ADAM12: variants seen among roughly 807,000 people sequenced by gnomAD.
ADAM12 encodes disintegrin and metalloproteinase domain-containing protein 12.
ADAM12 carries 70 observed loss-of-function variants against 106.4 expected under a neutral mutation model. The observed-to-expected ratio is 0.66, with a 90% CI of 0.54 to 0.80. The LOEUF is 0.80. Ranked by LOEUF, ADAM12 falls within the 30% of genes least tolerant of loss-of-function variation. The pLI is 0.00. For missense variants in ADAM12, 1,010 were observed against 1,171.9 expected (o/e 0.86, Z 2.02); for synonymous variants, 420 against 433.5 (o/e 0.97, Z 0.39).
At chr10:126,068,698 A>G (rs1030755637) in intron 12 of ADAM12, among the ~76,000 whole-genome samples, 3 of 152,208 alleles carry the variant, frequency 2.0e-5, no homozygotes, top group African/African-American at 7.2e-5. Context: ...CTGCAGTACC[A>G]TATTTCTCAG....
intron 1 of ADAM12, among the ~76,000 whole-genome samples, chr10:126,331,129 T>C (rs1854496876): frequency 6.6e-6 from 1 of 152,242 alleles, no homozygotes; most frequent in Non-Finnish European, 1.5e-5. Context: ...AACCAGTTAA[T>C]ATACCAACAC....
At chr10:126,180,488 A>G (rs754328524) in intron 3 of ADAM12, among the ~76,000 whole-genome samples, 1 of 152,166 alleles carries the variant, frequency 6.6e-6, no homozygotes, top group Non-Finnish European at 1.5e-5. Context: ...AAAAGCATTG[A>G]AATGTTAAAC....
At chr10:126,094,630 C>G (rs1000192002) in intron 10 of ADAM12, among the ~76,000 whole-genome samples, 1 of 152,222 alleles carries the variant, frequency 6.6e-6, no homozygotes, top group South Asian at 2.1e-4. Flanking sequence ...CCTGCCTCTT[C>G]CTGTGTGCTT....
chr10:126,314,172 TG>T (rs1564727256), intron 2 of ADAM12, among the ~76,000 whole-genome samples: 1 of 152,064 alleles, frequency 6.6e-6, no homozygotes, highest in Non-Finnish European at 1.5e-5. Flanking sequence ...AGGAGTAGCG[TG>T]GTCTGAGGAC....
At position 126,387,133 on chromosome 10, in the gene ADAM12, C is replaced by A. The variant is rs996455608; in HGVS notation, c.88+925G>T. 2.6e-5 allele frequency among the ~76,000 whole-genome samples: 4 copies of A among 152,094 alleles called. No individual in the cohort carries two copies. The East Asian group carries it at 5.8e-4, about 22-fold the overall frequency. On this transcript the variant is annotated intron_variant, in intron 1 of 22. Transcript: ENST00000448723. ...TAGAATCACAGAACTTGAGAGCTTGCGGCCAAGGGAAGTCGTTCATCGGTG... is the reference window on the plus strand; with the variant it reads ...TAGAATCACAGAACTTGAGAGCTTGAGGCCAAGGGAAGTCGTTCATCGGTG...
At chr10:126,289,124 A>C (rs1192332974) in intron 2 of ADAM12, among the ~76,000 whole-genome samples, 1 of 152,144 alleles carries the variant, frequency 6.6e-6, no homozygotes, top group Non-Finnish European at 1.5e-5. Flanking sequence ...TGGGGACAGG[A>C]CCATGTGGTG....
chr10:126,331,716 G>T lies in ADAM12; in HGVS notation c.89-1207C>A, dbSNP rs150473304. Among the ~76,000 whole-genome samples, 20 of 152,198 alleles carry T rather than the reference G, an allele frequency of 1.3e-4. No homozygotes were observed. The East Asian group carries it at 2.9e-3, about 22-fold the overall frequency. On this transcript the variant is annotated intron_variant, in intron 1 of 22. Transcript: ENST00000448723. The stretch of plus-strand genomic sequence containing the variant: ...GAGGGCTGAGCTGCAACCCTCGACC[G>T]CATGGGGAAGGAAGGAGGGAGGGGA...
intron 11 of ADAM12, among the ~76,000 whole-genome samples, chr10:126,083,510 G>A (rs1955272970): frequency 6.6e-6 from 1 of 152,236 alleles, no homozygotes; most frequent in Admixed American, 6.5e-5. Flanking sequence ...ACTCCCTGGA[G>A]CCAGACGTAA....
At chr10:126,277,582 T>C (rs915724104) in intron 3 of ADAM12, among the ~76,000 whole-genome samples, 1 of 152,182 alleles carries the variant, frequency 6.6e-6, no homozygotes, top group East Asian at 1.9e-4. Context: ...GATATTCTTA[T>C]GTAAAGAAAT....
In ADAM12 at chr10:126,108,627, T is replaced by C; in HGVS notation, c.707A>G (p.Gln236Arg). 1 of 1,614,216 alleles carries C rather than the reference T, an allele frequency of 6.2e-7. No individual in the cohort carries two copies. Among genetic ancestry groups the C allele is most frequent in the Non-Finnish European group, 8.5e-7 (1 of 1,179,990 alleles). ...GTGATTAGCAATCTCTATTAATCGC[T>C]GCTTAACTTTTTCCAGATCTTTTCC... ...RQGKDLEKVK[Q>R]RLIEIANHVD... The change falls in exon 8 of 23, where the codon CAG becomes CGG. Residue 236 changes from glutamine (Q) to arginine (R), a missense_variant. Gln to Arg is a conservative substitution (Grantham distance 43). This residue lies in a region of ADAM12 where 391 missense variants were observed against 442.9 expected (regional missense o/e 0.88). Transcript: ENST00000448723.
At chr10:126,370,896 A>G (rs1856089185) in intron 1 of ADAM12, among the ~76,000 whole-genome samples, 1 of 152,210 alleles carries the variant, frequency 6.6e-6, no homozygotes, top group Admixed American at 6.5e-5. Context: ...TAAAATGGAA[A>G]TAATAATGGC....
chr10:126,225,054 G>A (rs1958166303), intron 3 of ADAM12, among the ~76,000 whole-genome samples: 1 of 152,238 alleles, frequency 6.6e-6, no homozygotes, highest in Non-Finnish European at 1.5e-5. Context: ...GGGCACCCCC[G>A]AAGAGGGCGG....
At chr10:126,183,966 T>C (rs1957357949) in intron 3 of ADAM12, among the ~76,000 whole-genome samples, 2 of 152,252 alleles carry the variant, frequency 1.3e-5, no homozygotes, top group Non-Finnish European at 2.9e-5. Flanking sequence ...AAATATCTAA[T>C]AATCTTTTCT....
intron 3 of ADAM12, among the ~76,000 whole-genome samples, chr10:126,221,556 T>C (rs538678436): frequency 5.9e-5 from 9 of 152,326 alleles, no homozygotes; most frequent in African/African-American, 2.2e-4. Context: ...TTCTACTTTT[T>C]TTATATTATA....
intron 4 of ADAM12, among the ~76,000 whole-genome samples, chr10:126,136,102 A>G (rs1956400553): frequency 8.3e-6 from 1 of 119,802 alleles, no homozygotes; most frequent in Non-Finnish European, 1.9e-5. Flanking sequence ...GGGAAAGCAG[A>G]TGAGAGGAAG....
At chr10:126,378,979 A>G (rs1317353708) in intron 1 of ADAM12, among the ~76,000 whole-genome samples, 1 of 152,154 alleles carries the variant, frequency 6.6e-6, no homozygotes, top group Non-Finnish European at 1.5e-5. Context: ...CTGCATTTTG[A>G]GGTATAATGT....
intron 1 of ADAM12, among the ~76,000 whole-genome samples, chr10:126,361,467 T>C (rs1167943734): frequency 6.6e-6 from 1 of 152,058 alleles, no homozygotes; most frequent in African/African-American, 2.4e-5. Flanking sequence ...CAAAAAACCC[T>C]GACTAGCCAA....
intron 1 of ADAM12, among the ~76,000 whole-genome samples, chr10:126,352,879 A>C (rs1204172472): frequency 6.6e-6 from 1 of 152,228 alleles, no homozygotes; most frequent in Non-Finnish European, 1.5e-5. Context: ...ATTCAAAACA[A>C]GCTCCCAGGG....
chr10:126,247,388 C>G (rs1958651355), intron 3 of ADAM12, among the ~76,000 whole-genome samples: 1 of 152,186 alleles, frequency 6.6e-6, no homozygotes, highest in South Asian at 2.1e-4. Flanking sequence ...ACAAAACCAG[C>G]AACGAGGCAA....
Sources: allele counts gnomAD v4.1 joint callset (sites outside exome capture counted in the v4.1 genomes callset), GRCh38; gene constraint gnomAD v4.1.1; regional missense constraint gnomAD v4.1.1; transcripts MANE v1.5; gene names NCBI Gene and HGNC (gene_info 2026-07-23, HGNC 2026-07-21).